JAKMIP2: variants seen among roughly 807,000 people sequenced by gnomAD.
The protein encoded by JAKMIP2 is janus kinase and microtubule interacting protein 2.
A neutral mutation model predicts 115.0 loss-of-function variants in JAKMIP2; 25 were observed. That is an observed-to-expected ratio of 0.22 (90% CI 0.16 to 0.30). JAKMIP2 has a LOEUF of 0.30. JAKMIP2 is among the 10% of genes least tolerant of loss of function. JAKMIP2 has a pLI of 1.00. For missense variants in JAKMIP2, 642 were observed against 957.6 expected, an observed-to-expected ratio of 0.67 and a Z score of 4.35; for synonymous variants, 334 against 343.6, an observed-to-expected ratio of 0.97 and a Z score of 0.31.
chr5:147,686,337 G>T (rs553581916), intron 1 of JAKMIP2, among the ~76,000 whole-genome samples: 6 of 148,504 alleles, frequency 4.0e-5, no homozygotes, highest in African/African-American at 1.6e-4. Context: ...AGTGTTGGTG[G>T]GGGGGCACTG....
At chr5:147,724,991 A>G (rs1326105788) in intron 1 of JAKMIP2, among the ~76,000 whole-genome samples, 2 of 151,934 alleles carry the variant, frequency 1.3e-5, no homozygotes, top group African/African-American at 4.8e-5. Context: ...AGCACAAGAT[A>G]CAGGTCACAA....
intron 1 of JAKMIP2, among the ~76,000 whole-genome samples, chr5:147,711,915 G>A (rs1023301305): frequency 1.4e-4 from 21 of 152,128 alleles, no homozygotes; most frequent in Non-Finnish European, 2.5e-4. Context: ...TGATCCACCC[G>A]CCTCGGACAC....
chr5:147,674,537 G>T (rs1171669507), intron 1 of JAKMIP2, among the ~76,000 whole-genome samples: 2 of 152,170 alleles, frequency 1.3e-5, no homozygotes, highest in African/African-American at 4.8e-5. Flanking sequence ...GATTTCGAAG[G>T]TTGTTGCATG....
At chr5:147,772,924 C>T (rs962510948) in intron 1 of JAKMIP2, among the ~76,000 whole-genome samples, 3 of 152,084 alleles carry the variant, frequency 2.0e-5, no homozygotes, top group Non-Finnish European at 4.4e-5. Flanking sequence ...ACTCAGCGTA[C>T]TAGATGCATA....
chr5:147,758,788 C>T (rs1754832969), intron 1 of JAKMIP2, among the ~76,000 whole-genome samples: 2 of 152,044 alleles, frequency 1.3e-5, no homozygotes, highest in African/African-American at 2.4e-5. Context: ...CTAGAACATA[C>T]ATAAACGTAT....
chr5:147,633,872 T>G (rs1757484128), intron 12 of JAKMIP2, among the ~76,000 whole-genome samples: 1 of 152,088 alleles, frequency 6.6e-6, no homozygotes, highest in South Asian at 2.1e-4. Flanking sequence ...GTATTTTTAG[T>G]AGAGACAGGG....
intron 3 of JAKMIP2, among the ~76,000 whole-genome samples, chr5:147,656,542 A>T (rs538735153): frequency 3.3e-5 from 5 of 151,884 alleles, no homozygotes; most frequent in Middle Eastern, 3.4e-3. Context: ...TGCTTGGCAA[A>T]TTTTCCTCTG....
chr5:147,726,231 C>A (rs780967809), intron 1 of JAKMIP2, among the ~76,000 whole-genome samples: 1 of 152,176 alleles, frequency 6.6e-6, no homozygotes, highest in Non-Finnish European at 1.5e-5. Flanking sequence ...CAAGTTTGAG[C>A]CTGGCCAGTT....
chr5:147,757,126 C>G (rs1045928529), intron 1 of JAKMIP2, among the ~76,000 whole-genome samples: 8 of 152,106 alleles, frequency 5.3e-5, no homozygotes, highest in Non-Finnish European at 1.0e-4. Context: ...GGGTCATGAT[C>G]TGTTTACATG....
Position 147,586,059 on chromosome 5 carries a change from C to G in JAKMIP2, c.*5648G>C, listed in dbSNP as rs1323338259. ...GGATAATTGAAAAACCGAGTGGTCT[C>G]TGCCTCAGTCAACAATTGGAAATAA... On this transcript the variant is annotated 3_prime_UTR_variant, in exon 22 of 22. Coordinates refer to ENST00000616793, the MANE Select transcript of JAKMIP2 (RefSeq NM_001270941.2). 1 of 151,732 alleles carries G rather than the reference C, an allele frequency of 6.6e-6. No homozygotes were observed. Among genetic ancestry groups the G allele is most frequent in the African/African-American group, 2.4e-5 (1 of 41,284 alleles). The allele number at this position is 151,732 out of a possible 1,614,324, so 9.4% of individuals were successfully genotyped here.
intron 1 of JAKMIP2, among the ~76,000 whole-genome samples, chr5:147,692,111 GTC>G (rs201056848): frequency 0.013 from 2,042 of 152,248 alleles, 52 homozygotes; most frequent in African/African-American, 0.046. Context: ...TGGAAATAGA[GTC>G]TCTGCAAATG....
In JAKMIP2 at chr5:147,720,189, T is replaced by C. The variant is rs892817955; in HGVS notation, c.-148-48235A>G. The stretch of plus-strand genomic sequence containing the variant: ...TTGAATATTGGCCCCCACTCTCTTC[T>C]GGCTTGTAGGGTTTCTGCCGATAAA... On this transcript the variant is annotated intron_variant, in intron 1 of 21. Coordinates refer to ENST00000616793, the MANE Select transcript of JAKMIP2 (RefSeq NM_001270941.2). Among the ~76,000 whole-genome samples, 200 of 152,360 alleles carry C rather than the reference T, an allele frequency of 1.3e-3. 6 individuals carry two copies. The highest frequency in any genetic ancestry group is 3.4e-3 in the Middle Eastern group (1 of 294).
At chr5:147,715,779 C>A (rs1376812449) in intron 1 of JAKMIP2, among the ~76,000 whole-genome samples, 6 of 150,840 alleles carry the variant, frequency 4.0e-5, no homozygotes, top group African/African-American at 1.5e-4. Flanking sequence ...TAACATACAT[C>A]ATATCATCTC....
intron 20 of JAKMIP2, among the ~76,000 whole-genome samples, chr5:147,608,259 T>C (rs1292120058): frequency 1.3e-5 from 2 of 152,178 alleles, no homozygotes; most frequent in Non-Finnish European, 2.9e-5. Flanking sequence ...CTTTTCATTG[T>C]GATGTTAGGG....
At chr5:147,648,245 A>G (rs1372212924) in intron 5 of JAKMIP2, 131 bp downstream of exon 5, 5 of 549,166 alleles carry the variant, frequency 9.1e-6, no homozygotes, top group Non-Finnish European at 1.6e-5. Flanking sequence ...CCACTTTGTG[A>G]ATATCTATTG....
chr5:147,622,068 T>A (rs10042730), intron 17 of JAKMIP2, among the ~76,000 whole-genome samples: 1 of 152,214 alleles, frequency 6.6e-6, no homozygotes. Flanking sequence ...GGTTTCTCCA[T>A]GTTGGTCAGG....
chr5:147,754,367 A>G (rs2127030161), intron 1 of JAKMIP2, among the ~76,000 whole-genome samples: 1 of 152,276 alleles, frequency 6.6e-6, no homozygotes, highest in Middle Eastern at 3.4e-3. Context: ...TCTGCCCAGG[A>G]GCACTATCTT....
intron 1 of JAKMIP2, among the ~76,000 whole-genome samples, chr5:147,766,332 T>C (rs1755155682): frequency 6.6e-6 from 1 of 152,220 alleles, no homozygotes; most frequent in African/African-American, 2.4e-5. Context: ...CTGTAGAATT[T>C]TTTTTTGCTT....
At chr5:147,598,777 G>A (rs1291676088) in intron 21 of JAKMIP2, among the ~76,000 whole-genome samples, 4 of 152,132 alleles carry the variant, frequency 2.6e-5, no homozygotes, top group African/African-American at 9.7e-5. Context: ...TTTTAAGGAG[G>A]ACTTTGTCAT....
Sources: gnomAD v4.1 joint callset for allele counts (sites outside exome capture counted in the v4.1 genomes callset) on GRCh38, gnomAD v4.1.1 for gene constraint, MANE v1.5 for transcripts, NCBI Gene and HGNC (gene_info 2026-07-23, HGNC 2026-07-21) for gene names.